CAMKMT: variants seen among roughly 807,000 people sequenced by gnomAD.
CAMKMT encodes the protein calmodulin-lysine N-methyltransferase.
Under a neutral mutation model 48.0 loss-of-function variants are expected in CAMKMT, and 53 were observed. The ratio of observed to expected loss-of-function variants is 1.10; its 90% CI spans 0.89 to 1.39. The LOEUF is 1.39. Ranked by LOEUF, CAMKMT falls within the 40% of genes most tolerant of loss-of-function variation. CAMKMT has a pLI of 0.00. For synonymous variants in CAMKMT, 165 were observed against 152.3 expected (o/e 1.08, Z -0.61); for missense variants, 428 against 402.7 (o/e 1.06, Z -0.54).
At chr2:44,700,249 A>G (rs1428728214) in intron 3 of CAMKMT, among the ~76,000 whole-genome samples, 1 of 152,146 alleles carries the variant, frequency 6.6e-6, no homozygotes, top group Admixed American at 6.5e-5. Context: ...GGCTGGTTTG[A>G]TCTATCCAGA....
chr2:44,678,023 A>G (rs1007829629), intron 3 of CAMKMT, among the ~76,000 whole-genome samples: 20 of 152,186 alleles, frequency 1.3e-4, no homozygotes, highest in African/African-American at 4.8e-4. Flanking sequence ...AATGGGAAAT[A>G]ACTCTTTACA....
intron 3 of CAMKMT, among the ~76,000 whole-genome samples, chr2:44,483,512 C>G (rs1669074958): frequency 6.6e-6 from 1 of 152,024 alleles, no homozygotes; most frequent in South Asian, 2.1e-4. Flanking sequence ...GTCATAAATT[C>G]TTGATGGCAT....
At chr2:44,438,089 C>T (rs577324362) in intron 3 of CAMKMT, among the ~76,000 whole-genome samples, 16 of 152,116 alleles carry the variant, frequency 1.1e-4, no homozygotes, top group South Asian at 4.2e-4. Flanking sequence ...TACTTATAGC[C>T]GCATGAGAAA....
intron 3 of CAMKMT, among the ~76,000 whole-genome samples, chr2:44,460,703 T>A (rs1667801357): frequency 6.7e-6 from 1 of 149,838 alleles, no homozygotes; most frequent in Admixed American, 6.7e-5. Flanking sequence ...ACAGTTTCAG[T>A]GAGTGATAGA....
At chr2:44,659,465 C>A (rs1674561024) in intron 3 of CAMKMT, among the ~76,000 whole-genome samples, 1 of 150,494 alleles carries the variant, frequency 6.6e-6, no homozygotes, top group African/African-American at 2.4e-5. Flanking sequence ...TTCAGTGGGT[C>A]ATGCCTATAA....
rs535619098 is a variant in CAMKMT, at chr2:44,762,467, A to T, written c.763-3963A>T. 2.0e-5 allele frequency among the ~76,000 whole-genome samples: 3 copies of T among 152,290 alleles called. No homozygotes were observed. In the South Asian group the frequency reaches 6.2e-4, roughly 32 times the overall value. On this transcript the variant is annotated intron_variant, in intron 9 of 10. Transcript: ENST00000378494. Reference sequence around the variant, plus strand: ...TGTCTTGGTCTTCCTCCCCTAATGCATTTTATTGGCATAGCATATTCCTTT... The same window carrying T: ...TGTCTTGGTCTTCCTCCCCTAATGCTTTTTATTGGCATAGCATATTCCTTT...
intron 4 of CAMKMT, chr2:44,705,279 C>T: frequency 1.2e-6 from 1 of 835,868 alleles, no homozygotes; most frequent in Non-Finnish European, 1.4e-6. Context: ...CTTCCCACCT[C>T]TCCCTCTCTT....
chr2:44,418,377 C>T (rs1267466831), intron 3 of CAMKMT, among the ~76,000 whole-genome samples: 1 of 151,328 alleles, frequency 6.6e-6, no homozygotes. Context: ...AGTCTATGGT[C>T]CATTTTGAGT....
At chr2:44,626,063 G>A (rs576527861) in intron 3 of CAMKMT, among the ~76,000 whole-genome samples, 1 of 152,158 alleles carries the variant, frequency 6.6e-6, no homozygotes, top group Non-Finnish European at 1.5e-5. Flanking sequence ...GAAGGCTGTT[G>A]TGATTTTAAT....
chr2:44,443,224 TG>T (rs1666779821), intron 3 of CAMKMT, among the ~76,000 whole-genome samples: 1 of 152,220 alleles, frequency 6.6e-6, no homozygotes, highest in African/African-American at 2.4e-5. Context: ...TTGTTAACAC[TG>T]AACTGTACTG....
chr2:44,535,582 A>G (rs182482717), intron 3 of CAMKMT, among the ~76,000 whole-genome samples: 1 of 152,368 alleles, frequency 6.6e-6, no homozygotes, highest in East Asian at 1.9e-4. Flanking sequence ...AGATTGCTCA[A>G]TATATGCAAA....
intron 3 of CAMKMT, among the ~76,000 whole-genome samples, chr2:44,416,660 G>C (rs190297766): frequency 2.1e-5 from 3 of 140,776 alleles, no homozygotes; most frequent in African/African-American, 5.4e-5. Context: ...TGCAACCTGT[G>C]CCTCCTGGGT....
At chr2:44,634,170 C>T (rs1672993616) in intron 3 of CAMKMT, among the ~76,000 whole-genome samples, 1 of 152,068 alleles carries the variant, frequency 6.6e-6, no homozygotes, top group South Asian at 2.1e-4. Context: ...GGCAAAGATT[C>T]AAGGAAGACT....
intron 9 of CAMKMT, 135 bp from the exon 10 acceptor site, chr2:44,766,295 C>T: frequency 1.2e-6 from 1 of 857,668 alleles, no homozygotes; most frequent in Non-Finnish European, 1.8e-6. Flanking sequence ...TGTGAATGTC[C>T]ATCCTGCATA....
chr2:44,556,966 G>T (rs1668048912), intron 3 of CAMKMT, among the ~76,000 whole-genome samples: 1 of 152,046 alleles, frequency 6.6e-6, no homozygotes, highest in East Asian at 1.9e-4. Context: ...TTATTTCAGG[G>T]AGAAAATGCA....
chr2:44,472,215 T>C (rs1668458160), intron 3 of CAMKMT, among the ~76,000 whole-genome samples: 1 of 152,004 alleles, frequency 6.6e-6, no homozygotes, highest in African/African-American at 2.4e-5. Flanking sequence ...GGACTACAGG[T>C]GCCCGCCACC....
chr2:44,698,755 T>C (rs1677102788), intron 3 of CAMKMT, among the ~76,000 whole-genome samples: 2 of 152,240 alleles, frequency 1.3e-5, no homozygotes, highest in African/African-American at 4.8e-5. Context: ...TGGTTGACTC[T>C]TCCTTTCAGG....
intron 3 of CAMKMT, among the ~76,000 whole-genome samples, chr2:44,516,898 C>T (rs927258131): frequency 3.3e-5 from 5 of 151,896 alleles, no homozygotes; most frequent in Non-Finnish European, 7.4e-5. Context: ...TGTGCCACCA[C>T]GCCCAGCTAA....
At chr2:44,743,549 T>A in intron 7 of CAMKMT, 73 bp from the exon 8 acceptor site, 2 of 1,046,608 alleles carry the variant, frequency 1.9e-6, no homozygotes, top group Non-Finnish European at 2.8e-6. Context: ...CACAAAAAAA[T>A]AATGTTAATA....
Sources: gnomAD v4.1 joint callset for allele counts (sites outside exome capture counted in the v4.1 genomes callset) on GRCh38, gnomAD v4.1.1 for gene constraint, MANE v1.5 for transcripts, NCBI Gene and HGNC (gene_info 2026-07-23, HGNC 2026-07-21) for gene names.